The following ZFHX3 variants were observed in gnomAD, a reference collection of about 807,000 sequenced individuals.
ZFHX3 encodes the protein zinc finger homeobox protein 3.
In ZFHX3, 42 loss-of-function variants were observed where a neutral mutation model predicts 279.1. The observed-to-expected ratio is 0.15, with a 90% confidence interval of 0.12 to 0.19. The LOEUF (loss-of-function observed/expected upper bound fraction) is 0.19, where lower values mean the gene tolerates loss of function less well. Among genes scored for constraint, ZFHX3 ranks in the 10% least tolerant of loss-of-function variants. ZFHX3 has a pLI of 1.00. For synonymous variants in ZFHX3, 2,293 were observed against 1,957.8 expected (o/e 1.17, Z -4.52); for missense variants, 4,981 against 4,754.0 (o/e 1.05, Z -1.40).
chr16:73,884,677 G>A (rs1415060058), intron 1 of ZFHX3, among the ~76,000 whole-genome samples: 2 of 152,108 alleles, frequency 1.3e-5, no homozygotes, highest in East Asian at 1.9e-4. Flanking sequence ...CAGACATTCC[G>A]AAATGCCTTT....
intron 7 of ZFHX3, among the ~76,000 whole-genome samples, chr16:73,122,989 GT>G (rs1161058928): frequency 6.6e-6 from 1 of 152,038 alleles, no homozygotes; most frequent in Non-Finnish European, 1.5e-5. Flanking sequence ...CTCATGCTAC[GT>G]TTTAAGAGAC....
At chr16:73,712,112 C>A (rs574129471) in intron 1 of ZFHX3, among the ~76,000 whole-genome samples, 1 of 152,206 alleles carries the variant, frequency 6.6e-6, no homozygotes, top group African/African-American at 2.4e-5. Flanking sequence ...ATGGTGAGGT[C>A]TGGTCCTGAG....
rs760534527 is a variant in ZFHX3 at position 72,958,454 on chromosome 16, C to A, written c.1692G>T (p.Ala564=). 1.2e-6 allele frequency: 2 copies of A among 1,614,124 alleles called. No individual in the cohort carries two copies. Among genetic ancestry groups the A allele is most frequent in the Non-Finnish European group, 1.7e-6 (2 of 1,180,042 alleles). ...SASSFVVFDG[A]NRRNRLSFNS... ...TAAAGCTTAAACGATTCCTCCTGTT[C>A]GCACCATCAAAGACAACAAAGGAAG... Residue 564 remains alanine (A), a synonymous_variant, in exon 2 of 10, where the codon GCG becomes GCT. Transcript: ENST00000268489.
At chr16:73,500,312 T>G (rs1436169502) in intron 2 of ZFHX3, 1 of 153,872 alleles carries the variant, frequency 6.5e-6, no homozygotes, top group Admixed American at 6.6e-5. Context: ...TGGGTTTTTG[T>G]TTTTTTGTTT....
intron 1 of ZFHX3, among the ~76,000 whole-genome samples, chr16:72,979,304 G>A (rs572771540): frequency 1.3e-5 from 2 of 152,292 alleles, no homozygotes; most frequent in East Asian, 3.9e-4. Context: ...CCCTCCAACT[G>A]TTTGCCTGCC....
chr16:72,829,955 C>A (rs1432199150), intron 4 of ZFHX3, 96 bp from the exon 5 acceptor site: 4 of 1,249,272 alleles, frequency 3.2e-6, no homozygotes, highest in Non-Finnish European at 4.6e-6. Flanking sequence ...ACAGAACAGA[C>A]ACCAATGACT....
Position 72,795,018 on chromosome 16 carries a change from C to G in ZFHX3, c.7664G>C (p.Ser2555Thr). 4 of 1,614,164 alleles carry G rather than the reference C, an allele frequency of 2.5e-6. No individual in the cohort carries two copies. Among genetic ancestry groups the G allele is most frequent in the Non-Finnish European group, 3.4e-6 (4 of 1,180,038 alleles). Reference protein sequence around the residue: ...WQEHQQLHFLSAQNQFIHPQF... With the variant: ...WQEHQQLHFLTAQNQFIHPQF... ...GGGGTGGATGAACTGGTTCTGCGCG[C>G]TCAGGAAGTGGAGCTGCTGATGCTC... The change falls in exon 9 of 10, where the codon AGC (serine) becomes ACC (threonine). Residue 2555 changes from serine (S) to threonine (T), a missense_variant. Transcript: ENST00000268489.
chr16:73,031,131 T>C (rs1475666865), intron 1 of ZFHX3, among the ~76,000 whole-genome samples: 1 of 152,246 alleles, frequency 6.6e-6, no homozygotes, highest in Admixed American at 6.5e-5. Context: ...CAAGGATCTA[T>C]CAGACTAACA....
rs79932109 is a variant in ZFHX3, at chr16:73,867,958, G to A, written c.-1608+23693C>T. Among the ~76,000 whole-genome samples the A allele has an allele frequency of 1.0e-3, 155 of 152,286 alleles. 4 individuals are homozygous for A. In the East Asian group the frequency reaches 0.017, roughly 16 times the overall value. ...TTTCATCAGAGCAGCAATGAGGGCC[G>A]GCCAACCAGGCCATTCTCCCTAGCG... On this transcript the variant is annotated intron_variant, in intron 1 of 17. Transcript: ENST00000641206.
chr16:73,551,512 T>C (rs774333862), intron 2 of ZFHX3, among the ~76,000 whole-genome samples: 3 of 152,098 alleles, frequency 2.0e-5, no homozygotes, highest in African/African-American at 4.8e-5. Flanking sequence ...GTGAGGGAGG[T>C]GTAGTCACTC....
At chr16:72,815,314 G>A (rs1172137561) in intron 5 of ZFHX3, among the ~76,000 whole-genome samples, 1 of 151,956 alleles carries the variant, frequency 6.6e-6, no homozygotes, top group Non-Finnish European at 1.5e-5. Context: ...AGGCTGAGGT[G>A]GGAGTATCAC....
chr16:73,750,445 A>T (rs953964648), intron 1 of ZFHX3, among the ~76,000 whole-genome samples: 6 of 152,214 alleles, frequency 3.9e-5, no homozygotes, highest in South Asian at 4.1e-4. Flanking sequence ...TGTTCCTAAC[A>T]GCAGTGGAAG....
chr16:73,428,381 G>A (rs914246198), intron 3 of ZFHX3, among the ~76,000 whole-genome samples: 2 of 152,022 alleles, frequency 1.3e-5, no homozygotes, highest in African/African-American at 2.4e-5. Flanking sequence ...AGCCTGCATC[G>A]GTCCATGCAA....
chr16:72,917,173 C>T (rs1286196174), intron 3 of ZFHX3, among the ~76,000 whole-genome samples: 6 of 152,032 alleles, frequency 3.9e-5, no homozygotes, highest in East Asian at 1.9e-4. Context: ...TCCAGAAGGC[C>T]GAGGCTACAG....
rs867680985 is a variant in ZFHX3 at position 73,473,363 on chromosome 16, A to C, written c.-1546-17105T>G. Among the ~76,000 whole-genome samples the C allele has an allele frequency of 3.4e-3, 207 of 60,750 alleles. 2 individuals are homozygous for C. Among genetic ancestry groups the C allele is most frequent in the African/African-American group, 0.011 (191 of 16,758 alleles). The allele number at this position is 60,750 out of a possible 152,430, so 39.9% of individuals were successfully genotyped here. On this transcript the variant is annotated intron_variant, in intron 2 of 17. Coordinates refer to the ZFHX3 transcript ENST00000641206. ...GCAAAAAAAAAAAAAAAAAACAAAA[A>C]AAAAAAAAACAAAATAATAAGCTAT...
chr16:73,208,484 T>C (rs2011888593), intron 5 of ZFHX3, among the ~76,000 whole-genome samples: 1 of 152,172 alleles, frequency 6.6e-6, no homozygotes, highest in Non-Finnish European at 1.5e-5. Context: ...TTTCAAAGAT[T>C]TAAATGAAAA....
rs551547162 is a variant in ZFHX3 at position 73,837,701 on chromosome 16, C to T, written c.-1608+53950G>A. Among the ~76,000 whole-genome samples, 10 of 152,260 alleles carry T rather than the reference C, an allele frequency of 6.6e-5. 1 individual carries two copies. The highest frequency in any genetic ancestry group is 1.4e-4 in the African/African-American group (6 of 41,560). On this transcript the variant is annotated intron_variant, in intron 1 of 17. Coordinates refer to the ZFHX3 transcript ENST00000641206. ...TTGCCCAGGCTAGAGGGCAATGGCGCGATCTCGGCTCACCACAACATCCTT... is the reference window on the plus strand; with the variant it reads ...TTGCCCAGGCTAGAGGGCAATGGCGTGATCTCGGCTCACCACAACATCCTT...
intron 5 of ZFHX3, among the ~76,000 whole-genome samples, chr16:72,819,783 C>G (rs1275496103): frequency 6.6e-6 from 1 of 152,212 alleles, no homozygotes; most frequent in Non-Finnish European, 1.5e-5. Context: ...CTCAGGCCAC[C>G]TGCTTACTCT....
intron 1 of ZFHX3, among the ~76,000 whole-genome samples, chr16:73,888,107 A>G (rs949653944): frequency 1.2e-4 from 18 of 152,292 alleles, no homozygotes; most frequent in Admixed American, 4.6e-4. Flanking sequence ...CGCAAGCTAT[A>G]AAGCTCAAAT....
Sources: allele counts gnomAD v4.1 joint callset (sites outside exome capture counted in the v4.1 genomes callset), GRCh38; gene constraint gnomAD v4.1.1; transcripts MANE v1.5; gene names NCBI Gene and HGNC (gene_info 2026-07-23, HGNC 2026-07-21).